Variants in NNMT observed in about 807,000 individuals in gnomAD.
NNMT encodes nicotinamide N-methyltransferase.
In NNMT, 10 loss-of-function variants were observed where a neutral mutation model predicts 11.7. That is an observed-to-expected ratio of 0.85 (90% CI 0.53 to 1.45). The LOEUF (loss-of-function observed/expected upper bound fraction) is 1.45, where lower values mean the gene tolerates loss of function less well. NNMT is among the 40% of genes most tolerant of loss of function. The pLI is 0.00. For missense variants in NNMT, 381 were observed against 319.4 expected (o/e 1.19, Z -1.47); for synonymous variants, 143 against 133.8 (o/e 1.07, Z -0.48).
At chr11:114,302,982 G>C (rs1014208157) in intron 2 of NNMT, among the ~76,000 whole-genome samples, 4 of 152,186 alleles carry the variant, frequency 2.6e-5, no homozygotes, top group African/African-American at 9.7e-5. Flanking sequence ...CCTAATCTCA[G>C]ACTTCCAGCC....
At chr11:114,284,601 C>A (rs142252728) in intron 2 of NNMT, among the ~76,000 whole-genome samples, 1 of 146,574 alleles carries the variant, frequency 6.8e-6, no homozygotes, top group Non-Finnish European at 1.5e-5. Context: ...GTAGCTGGGA[C>A]TACAGGCATG....
At chr11:114,274,396 A>G (rs1945199099) in intron 2 of NNMT, among the ~76,000 whole-genome samples, 1 of 152,252 alleles carries the variant, frequency 6.6e-6, no homozygotes, top group African/African-American at 2.4e-5. Flanking sequence ...CTACATGGAC[A>G]AGAATGTCCT....
upstream of NNMT, among the ~76,000 whole-genome samples, chr11:114,294,981 C>CTGGCT (rs1481174980): frequency 1.3e-5 from 2 of 152,200 alleles, no homozygotes; most frequent in Admixed American, 6.5e-5. Context: ...AGCGAATTCT[C>CTGGCT]TGGCTTGCTG....
At chr11:114,260,075 C>T (rs7123528) in intron 1 of NNMT, among the ~76,000 whole-genome samples, 16,559 of 152,182 alleles carry the variant, frequency 0.11, 1,405 homozygotes, top group African/African-American at 0.23. Context: ...ACATACAACA[C>T]ACAACAGCTC....
chr11:114,296,455 G>A lies in NNMT; in HGVS notation c.-102G>A. ...GGGCTGAACTGATGGAAGGAATGCTGTTAGCCTGAGACTCAGGAAGACAAC... is the reference window on the plus strand; with the variant it reads ...GGGCTGAACTGATGGAAGGAATGCTATTAGCCTGAGACTCAGGAAGACAAC... On this transcript the variant is annotated 5_prime_UTR_variant, in exon 1 of 3. Transcript: ENST00000299964. The A allele has an allele frequency of 8.0e-7, 1 of 1,252,884 alleles. No individual in the cohort carries two copies. Among genetic ancestry groups the A allele is most frequent in the South Asian group, 1.4e-5 (1 of 71,108 alleles). The allele number at this position is 1,252,884 out of a possible 1,614,324, so 77.6% of individuals were successfully genotyped here.
At chr11:114,267,227 T>C (rs1945128908) in intron 2 of NNMT, among the ~76,000 whole-genome samples, 1 of 152,232 alleles carries the variant, frequency 6.6e-6, no homozygotes, top group Non-Finnish European at 1.5e-5. Context: ...ATCACGTCAC[T>C]GCAGTCCAGC....
chr11:114,286,751 A>T (rs945766291), intron 2 of NNMT, among the ~76,000 whole-genome samples: 30 of 152,234 alleles, frequency 2.0e-4, no homozygotes, highest in South Asian at 4.2e-4. Context: ...AAGAACATTC[A>T]TGTTTATGTG....
At chr11:114,301,142 T>G (rs1945434771) in intron 2 of NNMT, among the ~76,000 whole-genome samples, 1 of 152,204 alleles carries the variant, frequency 6.6e-6, no homozygotes, top group Admixed American at 6.5e-5. Context: ...TCTTATTTAT[T>G]GTTCGTGGGA....
At chr11:114,276,177 A>G (rs1158913437) in intron 2 of NNMT, among the ~76,000 whole-genome samples, 19 of 127,128 alleles carry the variant, frequency 1.5e-4, no homozygotes, top group Admixed American at 9.4e-5. Flanking sequence ...CAACCCAGGG[A>G]CCGTATGCTG....
intron 2 of NNMT, among the ~76,000 whole-genome samples, chr11:114,306,524 C>T (rs550169760): frequency 6.6e-6 from 1 of 151,958 alleles, no homozygotes; most frequent in South Asian, 2.1e-4. Context: ...TTAATTTTTG[C>T]ATAAGGTGTA....
intron 2 of NNMT, among the ~76,000 whole-genome samples, chr11:114,268,755 C>A (rs138322739): frequency 1.6e-4 from 20 of 126,580 alleles, no homozygotes; most frequent in African/African-American, 6.3e-4. Context: ...GACGATGGAG[C>A]GAGACTCCGT....
chr11:114,279,401 T>C (rs1194566924), intron 2 of NNMT, among the ~76,000 whole-genome samples: 1 of 152,044 alleles, frequency 6.6e-6, no homozygotes, highest in East Asian at 1.9e-4. Flanking sequence ...GAAGACTTCA[T>C]GGAGGAAGCT....
At chr11:114,264,745 G>A (rs946257099) in intron 2 of NNMT, among the ~76,000 whole-genome samples, 3 of 152,184 alleles carry the variant, frequency 2.0e-5, no homozygotes, top group African/African-American at 7.2e-5. Context: ...CTCCTCATTG[G>A]GTTTGATTAA....
At chr11:114,272,239 A>T (rs1401375547) in intron 2 of NNMT, among the ~76,000 whole-genome samples, 1 of 152,142 alleles carries the variant, frequency 6.6e-6, no homozygotes. Flanking sequence ...GCCCGCCTGG[A>T]CTACTTCAAA....
At position 114,268,734 on chromosome 11, in the gene NNMT, A is replaced by T. The variant is rs180754743; in HGVS notation, c.-130+5800A>T. Among the ~76,000 whole-genome samples, 72 of 138,690 alleles carry T rather than the reference A, an allele frequency of 5.2e-4. No individual in the cohort carries two copies. The South Asian group carries it at 0.016, about 31-fold the overall frequency. The allele number at this position is 138,690 out of a possible 152,430, so 91.0% of individuals were successfully genotyped here. On this transcript the variant is annotated intron_variant, in intron 2 of 4. Coordinates refer to the NNMT transcript ENST00000535401. ...CAGTGAGCCGAGATCGCACCACTGCACTCCAGCCTGGACGATGGAGCGAGA... is the reference window on the plus strand; with the variant it reads ...CAGTGAGCCGAGATCGCACCACTGCTCTCCAGCCTGGACGATGGAGCGAGA...
In NNMT at chr11:114,296,807, A is replaced by G. The variant is rs2135270648; in HGVS notation, c.154+97A>G. The stretch of plus-strand genomic sequence containing the variant: ...TTTGTGTCTCTCGTTGTTGCTTCAC[A>G]GCCCTTTTGGCATCACCCATTTATT... On this transcript the variant is annotated intron_variant, in intron 1 of 2. Coordinates refer to ENST00000299964, the MANE Select transcript of NNMT (RefSeq NM_006169.3). The G allele has an allele frequency of 4.9e-6, 6 of 1,217,850 alleles. No individual in the cohort carries two copies. The East Asian group carries it at 1.4e-4, about 28-fold the overall frequency. The allele number at this position is 1,217,850 out of a possible 1,614,324, so 75.4% of individuals were successfully genotyped here.
At chr11:114,274,648 G>A (rs371389389) in intron 2 of NNMT, among the ~76,000 whole-genome samples, 7 of 152,210 alleles carry the variant, frequency 4.6e-5, no homozygotes, top group African/African-American at 1.7e-4. Context: ...AAGAAGAAAG[G>A]AAGAGTGAGT....
chr11:114,267,360 G>A (rs890872212), intron 2 of NNMT, among the ~76,000 whole-genome samples: 2 of 152,068 alleles, frequency 1.3e-5, no homozygotes, highest in Non-Finnish European at 2.9e-5. Context: ...TACTTGTCAT[G>A]GTTCATGTCC....
intron 1 of NNMT, 65 bp downstream of exon 1, chr11:114,296,775 A>C: frequency 1.3e-6 from 2 of 1,533,990 alleles, no homozygotes; most frequent in Non-Finnish European, 1.8e-6. Flanking sequence ...TCAGGGCACG[A>C]CTGGGTTTTG....
Sources: allele counts gnomAD v4.1 joint callset (sites outside exome capture counted in the v4.1 genomes callset), GRCh38; gene constraint gnomAD v4.1.1; transcripts MANE v1.5; gene names NCBI Gene and HGNC (gene_info 2026-07-23, HGNC 2026-07-21).